IL33: variants seen among roughly 807,000 people sequenced by gnomAD.
IL33 encodes the protein interleukin-33.
Under a neutral mutation model 27.3 loss-of-function variants are expected in IL33, and 37 were observed. The ratio of observed to expected loss-of-function variants is 1.36; its 90% CI spans 1.04 to 1.78. The LOEUF is 1.78. Among genes scored for constraint, IL33 ranks in the 40% most tolerant of loss-of-function variants. The pLI is 0.00. For missense variants in IL33, 406 were observed against 311.4 expected, an observed-to-expected ratio of 1.30 and a Z score of -2.29; for synonymous variants, 132 against 102.9, an observed-to-expected ratio of 1.28 and a Z score of -1.71.
At chr9:6,234,160 G>A (rs757984407) in intron 1 of IL33, among the ~76,000 whole-genome samples, 2 of 151,962 alleles carry the variant, frequency 1.3e-5, no homozygotes, top group Admixed American at 6.6e-5. Flanking sequence ...TTCTCTTCCT[G>A]CTCCACACTC....
rs781646346 is a variant in IL33, at chr9:6,251,227, A to C, written c.305A>C (p.Gln102Pro). 58 of 1,613,866 alleles carry C rather than the reference A, an allele frequency of 3.6e-5. No individual in the cohort carries two copies. In the Admixed American group the frequency reaches 9.7e-4, roughly 27 times the overall value. The change falls in exon 4 of 8, where the codon CAG (glutamine) becomes CCG (proline). Residue 102 changes from glutamine to proline, a missense_variant. Physicochemically the swap from Gln to Pro is moderately conservative, Grantham distance 76. Transcript: ENST00000682010. Reference sequence around the variant, plus strand: ...TTTGCCTTTGGTATATCAGGGGTCCAGAAATATACTAGAGCACTTCATGAT... The same window carrying C: ...TTTGCCTTTGGTATATCAGGGGTCCCGAAATATACTAGAGCACTTCATGAT... ...ECFAFGISGV[Q>P]KYTRALHDSS...
chr9:6,222,398 A>G (rs1488610814), intron 1 of IL33, among the ~76,000 whole-genome samples: 1 of 152,242 alleles, frequency 6.6e-6, no homozygotes, highest in Non-Finnish European at 1.5e-5. Context: ...GCCTTGCAGC[A>G]TACCAGCTAA....
intron 1 of IL33, among the ~76,000 whole-genome samples, chr9:6,236,397 T>G (rs1319385786): frequency 6.6e-6 from 1 of 152,238 alleles, no homozygotes; most frequent in East Asian, 1.9e-4. Context: ...CACATGTATC[T>G]TTTTTATAAT....
chr9:6,254,476 G>A lies in IL33; in HGVS notation c.535G>A (p.Gly179Ser), dbSNP rs1291355085. ...TTAATTGTAAGGTGACGGTGTTGAT[G>A]GTAAGATGTTAATGGTAACCCTGAG... is the stretch of plus-strand genomic sequence containing the variant. ...PSNESGDGVD[G>S]KMLMVTLSPT... The change falls in exon 7 of 8, where the codon GGT becomes AGT. Residue 179 changes from glycine to serine, a missense_variant. Gly to Ser is a moderately conservative substitution (Grantham distance 56, BLOSUM62 0). Transcript: ENST00000682010. 3.8e-6 allele frequency: 6 copies of A among 1,584,780 alleles called. No individual in the cohort carries two copies. The Admixed American group carries it at 1.0e-4, about 27-fold the overall frequency.
chr9:6,254,776 G>A (rs1816632207), intron 7 of IL33, among the ~76,000 whole-genome samples: 3 of 152,110 alleles, frequency 2.0e-5, no homozygotes, highest in African/African-American at 4.8e-5. Flanking sequence ...TCTGCTCTCT[G>A]CCAGCAGCAG....
In IL33 at chr9:6,255,995, G is replaced by GA; in HGVS notation, c.641dup (p.Asp214GlufsTer9). 1.9e-6 allele frequency: 3 copies of GA among 1,613,652 alleles called. No homozygotes were observed. Among genetic ancestry groups the GA allele is most frequent in the Non-Finnish European group, 2.5e-6 (3 of 1,179,658 alleles). Reference sequence around the variant, plus strand: ...CCATAAGTGTGAAAAACCACTGCCAGACCAGGCCTTCTTTGTCCTTCATAA... The same window carrying GA: ...CCATAAGTGTGAAAAACCACTGCCAGAACCAGGCCTTCTTTGTCCTTCATAA... On this transcript the variant is annotated frameshift_variant, in exon 8 of 8. Transcript: ENST00000682010. LOFTEE classifies it low-confidence loss of function (END_TRUNC).
In IL33 at chr9:6,216,662, C is replaced by T. The variant is rs1191388971; in HGVS notation, c.-12+810C>T. The stretch of plus-strand genomic sequence containing the variant: ...ACTCGGGAGGCTAAGGCAGGAGAAT[C>T]GCTTGAACCCAGGAGGTGGAGGTTG... On this transcript the variant is annotated intron_variant, in intron 1 of 7. Transcript: ENST00000682010. Among the ~76,000 whole-genome samples, 5 of 152,190 alleles carry T rather than the reference C, an allele frequency of 3.3e-5. No individual in the cohort carries two copies. In the East Asian group the frequency reaches 5.8e-4, roughly 18 times the overall value.
chr9:6,233,794 C>T (rs1309163049), intron 1 of IL33, among the ~76,000 whole-genome samples: 1 of 152,136 alleles, frequency 6.6e-6, no homozygotes, highest in East Asian at 1.9e-4. Flanking sequence ...TAGCATCTTC[C>T]CTTCTCCACA....
intron 2 of IL33, 55 bp downstream of exon 2, chr9:6,241,840 A>G (rs1269775318): frequency 8.5e-7 from 1 of 1,171,272 alleles, no homozygotes; most frequent in Non-Finnish European, 1.2e-6. Context: ...TCTGTTATCA[A>G]ATATTTATAC....
intron 1 of IL33, among the ~76,000 whole-genome samples, chr9:6,228,495 C>T (rs1275825825): frequency 6.6e-6 from 1 of 151,680 alleles, no homozygotes; most frequent in African/African-American, 2.4e-5. Context: ...AACCAAAGGT[C>T]TCTATGTTCC....
chr9:6,242,854 G>A (rs982462771), intron 2 of IL33: 1 of 152,884 alleles, frequency 6.5e-6, no homozygotes, highest in Non-Finnish European at 1.5e-5. Context: ...GAAGCATGGT[G>A]CTAGCATCTG....
chr9:6,239,628 T>G (rs771710765), intron 1 of IL33, among the ~76,000 whole-genome samples: 6 of 151,990 alleles, frequency 3.9e-5, no homozygotes, highest in Non-Finnish European at 8.8e-5. Flanking sequence ...GAGCTTTCTC[T>G]CCTTCTTTCA....
In IL33 at chr9:6,257,856, C is replaced by T. The variant is rs1022183620; in HGVS notation, c.*1688C>T. The T allele has an allele frequency of 6.6e-6, 1 of 152,074 alleles. No homozygotes were observed. The highest frequency in any genetic ancestry group is 2.4e-5 in the African/African-American group (1 of 41,430). The allele number at this position is 152,074 out of a possible 1,614,324, so 9.4% of individuals were successfully genotyped here. On this transcript the variant is annotated 3_prime_UTR_variant, in exon 8 of 8. Transcript: ENST00000682010. ...ATAAAAATAAAAGCAGAATGTATAT[C>T]ATCCCATCTGAAAAACACTAATTAT... is the stretch of plus-strand genomic sequence containing the variant.
At chr9:6,236,105 T>C (rs1819193561) in intron 1 of IL33, among the ~76,000 whole-genome samples, 1 of 142,314 alleles carries the variant, frequency 7.0e-6, no homozygotes, top group Non-Finnish European at 1.5e-5. Flanking sequence ...AAAACAAAAA[T>C]AAAATCTGGA....
chr9:6,229,131 AG>A (rs779932345), intron 1 of IL33, among the ~76,000 whole-genome samples: 1 of 152,158 alleles, frequency 6.6e-6, no homozygotes, highest in Non-Finnish European at 1.5e-5. Context: ...GAACCTGTAC[AG>A]GAGCACAGGA....
At chr9:6,244,412 C>A (rs1819705437) in intron 2 of IL33, among the ~76,000 whole-genome samples, 1 of 151,986 alleles carries the variant, frequency 6.6e-6, no homozygotes, top group Admixed American at 6.6e-5. Context: ...GTAATGAACC[C>A]TATATATACT....
intron 1 of IL33, among the ~76,000 whole-genome samples, chr9:6,218,936 ATATATATG>A (rs1466238995): frequency 8.8e-6 from 1 of 114,156 alleles, no homozygotes; most frequent in African/African-American, 3.4e-5. Flanking sequence ...ATATATATAT[ATATATATG>A]TCTACATCAG....
rs566329937 is a variant in IL33 at position 6,256,587 on chromosome 9, A to C, written c.*419A>C. The C allele has an allele frequency of 1.2e-5, 4 of 323,500 alleles. No individual in the cohort carries two copies. The highest frequency in any genetic ancestry group is 8.4e-5 in the African/African-American group (4 of 47,364). 20.0% of individuals were successfully genotyped at this position (323,500 alleles called of 1,614,324 possible). ...AGAGAAATAATTTTCCACAGTTCCAAACGATAGGCTCAAACACTAGAGCTG... is the reference window on the plus strand; with the variant it reads ...AGAGAAATAATTTTCCACAGTTCCACACGATAGGCTCAAACACTAGAGCTG... On this transcript the variant is annotated 3_prime_UTR_variant, in exon 8 of 8. Coordinates refer to ENST00000682010, the MANE Select transcript of IL33 (RefSeq NM_033439.4).
chr9:6,234,630 G>A (rs1819090821), intron 1 of IL33, among the ~76,000 whole-genome samples: 1 of 152,118 alleles, frequency 6.6e-6, no homozygotes, highest in Admixed American at 6.6e-5. Flanking sequence ...ACTCTATGAA[G>A]TACCTGTAGC....
Sources: gnomAD v4.1 joint callset for allele counts (sites outside exome capture counted in the v4.1 genomes callset) on GRCh38, gnomAD v4.1.1 for gene constraint, MANE v1.5 for transcripts, NCBI Gene and HGNC (gene_info 2026-07-23, HGNC 2026-07-21) for gene names.